Variants in BAZ2B observed in about 807,000 individuals in gnomAD.
The protein encoded by BAZ2B is bromodomain adjacent to zinc finger domain 2B.
A neutral mutation model predicts 246.0 loss-of-function variants in BAZ2B; 91 were observed. The ratio of observed to expected loss-of-function variants is 0.37; its 90% confidence interval spans 0.31 to 0.44. The LOEUF is 0.44. BAZ2B is among the 20% of genes least tolerant of loss of function. The probability of loss-of-function intolerance (pLI) is 1.00; values close to 1 mark genes in which losing one functional copy is unlikely to be tolerated. For synonymous variants in BAZ2B, 855 were observed against 860.0 expected (o/e 0.99, Z 0.10); for missense variants, 2,332 against 2,533.7 (o/e 0.92, Z 1.71).
At chr2:159,487,015 G>T (rs1438980596) in intron 2 of BAZ2B, among the ~76,000 whole-genome samples, 4 of 152,056 alleles carry the variant, frequency 2.6e-5, no homozygotes, top group Non-Finnish European at 5.9e-5. Flanking sequence ...TAAGAAATTT[G>T]TAACTGTATT....
the BAZ2B span, among the ~76,000 whole-genome samples, chr2:159,674,851 A>G: frequency 4.1e-4 from 62 of 152,250 alleles, no homozygotes; most frequent in Non-Finnish European, 1.9e-4. Context: ...TTCTGAACAC[A>G]GTATTTGAAG....
chr2:159,670,053 C>T, the BAZ2B span, among the ~76,000 whole-genome samples: 1 of 152,024 alleles, frequency 6.6e-6, no homozygotes, highest in Non-Finnish European at 1.5e-5. Flanking sequence ...TCACTGCAAC[C>T]TCCGCCTCCC....
chr2:159,705,526 G>T, the BAZ2B span, among the ~76,000 whole-genome samples: 1 of 152,024 alleles, frequency 6.6e-6, no homozygotes. Context: ...TAACAAAGGT[G>T]GTCTTTCTAA....
chr2:159,601,636 A>T (rs1332404227), intron 1 of BAZ2B, among the ~76,000 whole-genome samples: 2 of 152,040 alleles, frequency 1.3e-5, no homozygotes, highest in Non-Finnish European at 2.9e-5. Context: ...CAGGAGAATC[A>T]CTTGAACCTG....
chr2:159,626,452 A>T, the BAZ2B span, among the ~76,000 whole-genome samples: 1 of 152,236 alleles, frequency 6.6e-6, no homozygotes, highest in Admixed American at 6.5e-5. Context: ...ATGCAAAAGA[A>T]TGGAAATCAT....
chr2:159,531,971 C>A (rs549460177), intron 2 of BAZ2B, among the ~76,000 whole-genome samples: 1 of 152,248 alleles, frequency 6.6e-6, no homozygotes, highest in East Asian at 1.9e-4. Context: ...TACCTGAAAT[C>A]AAATATATTC....
intron 17 of BAZ2B, among the ~76,000 whole-genome samples, chr2:159,399,916 C>T (rs773243750): frequency 2.0e-5 from 3 of 152,208 alleles, no homozygotes; most frequent in African/African-American, 7.2e-5. Flanking sequence ...CTTGATGACT[C>T]AGGGCAACTA....
chr2:159,515,405 T>C (rs949663468), intron 2 of BAZ2B, among the ~76,000 whole-genome samples: 2 of 152,122 alleles, frequency 1.3e-5, no homozygotes, highest in Admixed American at 6.5e-5. Flanking sequence ...CCTTTGGTAA[T>C]ATTATATTAA....
chr2:159,495,374 A>T (rs2080973641), intron 2 of BAZ2B, among the ~76,000 whole-genome samples: 1 of 148,030 alleles, frequency 6.8e-6, no homozygotes, highest in Admixed American at 6.8e-5. Context: ...AGTCCCAGCT[A>T]CTTGGGAGGC....
intron 6 of BAZ2B, among the ~76,000 whole-genome samples, chr2:159,440,274 G>GA (rs1205339419): frequency 4.6e-5 from 7 of 151,888 alleles, no homozygotes; most frequent in Non-Finnish European, 8.8e-5. Flanking sequence ...ACAAAATATA[G>GA]AAAAAATAAC....
At chr2:159,339,598 T>G (rs1167337005) in intron 31 of BAZ2B, among the ~76,000 whole-genome samples, 4 of 152,126 alleles carry the variant, frequency 2.6e-5, no homozygotes, top group Non-Finnish European at 4.4e-5. Context: ...AATCAATATA[T>G]GGAAGAGATA....
chr2:159,443,604 C>T (rs1242394530), intron 6 of BAZ2B, among the ~76,000 whole-genome samples: 3 of 152,150 alleles, frequency 2.0e-5, no homozygotes, highest in African/African-American at 7.2e-5. Context: ...CTCCCACAAA[C>T]CCATGCTGAA....
chr2:159,407,016 A>C (rs1046438687), intron 14 of BAZ2B, among the ~76,000 whole-genome samples: 8 of 151,810 alleles, frequency 5.3e-5, no homozygotes, highest in Non-Finnish European at 1.2e-4. Flanking sequence ...GGCCTCCCAA[A>C]GTGCTGGGAT....
At chr2:159,607,935 T>C (rs1232792195) in intron 1 of BAZ2B, among the ~76,000 whole-genome samples, 1 of 152,250 alleles carries the variant, frequency 6.6e-6, no homozygotes, top group Non-Finnish European at 1.5e-5. Context: ...TGAAGGTAGA[T>C]GCCTCCTCCT....
At chr2:159,414,720 G>T (rs2067376041) in intron 13 of BAZ2B, among the ~76,000 whole-genome samples, 2 of 151,658 alleles carry the variant, frequency 1.3e-5, no homozygotes, top group Non-Finnish European at 2.9e-5. Flanking sequence ...GGGAGGGTGA[G>T]ACAGGAGAAT....
chr2:159,420,264 C>A (rs755142440), intron 13 of BAZ2B, among the ~76,000 whole-genome samples: 8 of 152,158 alleles, frequency 5.3e-5, no homozygotes, highest in Non-Finnish European at 1.2e-4. Flanking sequence ...AAAAAACTGC[C>A]TGGCACATTA....
At chr2:159,682,834 G>C in the BAZ2B span, among the ~76,000 whole-genome samples, 1 of 151,724 alleles carries the variant, frequency 6.6e-6, no homozygotes, top group Non-Finnish European at 1.5e-5. Context: ...GCATTCTCTT[G>C]CAATTATTCC....
At chr2:159,574,844 C>T (rs1054876671) in intron 1 of BAZ2B, among the ~76,000 whole-genome samples, 7 of 151,974 alleles carry the variant, frequency 4.6e-5, no homozygotes, top group African/African-American at 1.7e-4. Context: ...GTGGCATGCG[C>T]CTGTAATCCC....
chr2:159,394,104 G>A (rs936748270), intron 20 of BAZ2B, among the ~76,000 whole-genome samples: 2 of 151,728 alleles, frequency 1.3e-5, no homozygotes, highest in Admixed American at 1.3e-4. Flanking sequence ...AGAATGGCAA[G>A]CCCTGGTTCT....
Sources: allele counts gnomAD v4.1 joint callset (sites outside exome capture counted in the v4.1 genomes callset), GRCh38; gene constraint gnomAD v4.1.1; transcripts MANE v1.5; gene names NCBI Gene and HGNC (gene_info 2026-07-23, HGNC 2026-07-21).